The following EPSTI1 variants were observed in gnomAD, a reference collection of about 807,000 sequenced individuals.
The protein encoded by EPSTI1 is epithelial-stromal interaction protein 1.
In EPSTI1, 66 loss-of-function variants were observed where a neutral mutation model predicts 49.9. The ratio of observed to expected loss-of-function variants is 1.32; its 90% confidence interval spans 1.08 to 1.62. EPSTI1 has a LOEUF of 1.62. Among genes scored for constraint, EPSTI1 ranks in the 40% most tolerant of loss-of-function variants. The probability of loss-of-function intolerance (pLI) is 0.00; values close to 1 mark genes in which losing one functional copy is unlikely to be tolerated. For missense variants in EPSTI1, 394 were observed against 365.5 expected, an observed-to-expected ratio of 1.08 and a Z score of -0.64; for synonymous variants, 137 against 130.7, an observed-to-expected ratio of 1.05 and a Z score of -0.33.
intron 5 of EPSTI1, among the ~76,000 whole-genome samples, chr13:42,954,801 G>A (rs2039209034): frequency 6.6e-6 from 1 of 152,178 alleles, no homozygotes; most frequent in Admixed American, 6.5e-5. Flanking sequence ...CTACTATCCA[G>A]GAGGATCATG....
At chr13:42,969,480 C>A in intron 2 of EPSTI1, 1 of 321,242 alleles carries the variant, frequency 3.1e-6, no homozygotes, top group Non-Finnish European at 5.7e-6. Flanking sequence ...AACTCTATAT[C>A]AAGTTAATTT....
In EPSTI1 at chr13:42,922,121, T is replaced by C. The variant is rs1221016002; in HGVS notation, c.657+4215A>G. Among the ~76,000 whole-genome samples the C allele has an allele frequency of 1.3e-5, 2 of 152,142 alleles. No individual in the cohort carries two copies. The highest frequency in any genetic ancestry group is 2.4e-5 in the African/African-American group (1 of 41,426). On this transcript the variant is annotated intron_variant, in intron 7 of 10. Transcript: ENST00000313624. This position sits in a 1 kb window ranked among gnomAD's most constrained non-coding sequence, Gnocchi z 4.8. ...GGGAAAGCTCAAATTACTGAATAAT[T>C]ATAAGAATGAGAGGAAGAAATGAGT...
rs867330809 is a variant in EPSTI1 at position 42,922,234 on chromosome 13, G to T, written c.657+4102C>A. On this transcript the variant is annotated intron_variant, in intron 7 of 10. Transcript: ENST00000313624. This position sits in a 1 kb window ranked among gnomAD's most constrained non-coding sequence, Gnocchi z 4.8. ...AACTAAGAAAAGAAACAGGTGGTGGGTTGCATAATGGCCCCCCAAAGACGT... is the reference window on the plus strand; with the variant it reads ...AACTAAGAAAAGAAACAGGTGGTGGTTTGCATAATGGCCCCCCAAAGACGT... Among the ~76,000 whole-genome samples the T allele has an allele frequency of 6.6e-6, 1 of 152,232 alleles. No homozygotes were observed. Among genetic ancestry groups the T allele is most frequent in the Non-Finnish European group, 1.5e-5 (1 of 68,040 alleles).
At chr13:42,917,396 C>G in intron 8 of EPSTI1, 145 bp downstream of exon 8, 1 of 786,224 alleles carries the variant, frequency 1.3e-6, no homozygotes, top group Middle Eastern at 4.0e-4. Flanking sequence ...TAAAACACAT[C>G]CAGAAACTCA....
intron 6 of EPSTI1, among the ~76,000 whole-genome samples, chr13:42,943,947 T>C (rs2038842210): frequency 6.6e-6 from 1 of 152,098 alleles, no homozygotes; most frequent in Non-Finnish European, 1.5e-5. Flanking sequence ...ATTAGAGAAA[T>C]GCAAATCAAA....
chr13:42,907,886 G>C (rs2037542693), intron 8 of EPSTI1, among the ~76,000 whole-genome samples: 1 of 152,120 alleles, frequency 6.6e-6, no homozygotes, highest in African/African-American at 2.4e-5. Flanking sequence ...AACCAAAACA[G>C]CGTGGTACTG....
intron 8 of EPSTI1, among the ~76,000 whole-genome samples, chr13:42,908,484 G>GAAAAAAAAAAAAAAAA (rs140923122): frequency 8.8e-6 from 1 of 113,352 alleles, no homozygotes; most frequent in African/African-American, 3.6e-5. Flanking sequence ...ACTCTGTTAT[G>GAAAAAAAAAAAAAAAA]AAAAAAAAAA....
chr13:42,890,883 T>C (rs971975893), intron 10 of EPSTI1, among the ~76,000 whole-genome samples: 1 of 152,170 alleles, frequency 6.6e-6, no homozygotes, highest in Non-Finnish European at 1.5e-5. Context: ...TATTATACAG[T>C]TTTGATCCCT....
rs116070275 is a variant in EPSTI1 at position 42,936,266 on chromosome 13, C to T, written c.564-9837G>A. Among the ~76,000 whole-genome samples the T allele has an allele frequency of 2.7e-3, 416 of 152,200 alleles. 1 individual carries two copies. Among genetic ancestry groups the T allele is most frequent in the African/African-American group, 9.6e-3 (397 of 41,540 alleles). On this transcript the variant is annotated intron_variant, in intron 6 of 10. Coordinates refer to ENST00000313624, the MANE Select transcript of EPSTI1 (RefSeq NM_033255.5). ...ATCAATTTAAGAAAACTTTTGATTC[C>T]GCAGCCTCATCCAGTTACTGCCTCA...
At chr13:42,963,137 T>C (rs986155242) in intron 5 of EPSTI1, 118 bp downstream of exon 5, 5 of 801,032 alleles carry the variant, frequency 6.2e-6, no homozygotes, top group Non-Finnish European at 1.0e-5. Flanking sequence ...GAGTGGGGAA[T>C]AGAAAGAGAG....
At chr13:42,932,772 T>C (rs1307724185) in intron 6 of EPSTI1, among the ~76,000 whole-genome samples, 1 of 152,218 alleles carries the variant, frequency 6.6e-6, no homozygotes, top group Non-Finnish European at 1.5e-5. Flanking sequence ...AACTTAACAG[T>C]GGAGACCACC....
Position 42,976,891 on chromosome 13 carries a change from C to A in EPSTI1, c.189-6221G>T, listed in dbSNP as rs532290935. On this transcript the variant is annotated intron_variant, in intron 1 of 10. Transcript: ENST00000313624. The stretch of plus-strand genomic sequence containing the variant: ...CTCTATACATATTATTACACAGTTG[C>A]AAACATATTTTAAGTACAGCTGTAC... Among the ~76,000 whole-genome samples, 71 of 152,304 alleles carry A rather than the reference C, an allele frequency of 4.7e-4. No homozygotes were observed. The South Asian group carries it at 0.014, about 29-fold the overall frequency.
intron 5 of EPSTI1, among the ~76,000 whole-genome samples, chr13:42,956,218 A>T (rs1009470153): frequency 6.6e-6 from 1 of 152,228 alleles, no homozygotes; most frequent in Non-Finnish European, 1.5e-5. Flanking sequence ...CCTGAGCACG[A>T]GAGCCAAGAA....
rs181060532 is a variant in EPSTI1 at position 42,970,271 on chromosome 13, C to T, written c.247+341G>A. ...TTATATTTACTGTACATCAATTAAA[C>T]ATGTTATGTACGCATTAAGTACAGA... On this transcript the variant is annotated intron_variant, in intron 2 of 10. Transcript: ENST00000313624. 1.3e-3 allele frequency: 223 copies of T among 177,924 alleles called. 1 individual carries two copies. The highest frequency in any genetic ancestry group is 5.0e-3 in the African/African-American group (213 of 42,600). 11.0% of individuals were successfully genotyped at this position (177,924 alleles called of 1,614,324 possible).
At chr13:42,988,073 C>T (rs543130861) in intron 1 of EPSTI1, among the ~76,000 whole-genome samples, 17 of 152,222 alleles carry the variant, frequency 1.1e-4, no homozygotes, top group East Asian at 7.7e-4. Context: ...TTTCTTCAAA[C>T]AGCATCAAGC....
intron 10 of EPSTI1, 145 bp downstream of exon 10, chr13:42,894,864 C>A: frequency 1.6e-6 from 1 of 637,258 alleles, no homozygotes; most frequent in Non-Finnish European, 2.7e-6. Context: ...CAGTAATCCC[C>A]CTGGCTGACT....
chr13:42,975,525 C>A (rs756480597), intron 1 of EPSTI1, among the ~76,000 whole-genome samples: 1 of 152,130 alleles, frequency 6.6e-6, no homozygotes, highest in Non-Finnish European at 1.5e-5. Context: ...AGGAAATCAT[C>A]GGGGCCTTTG....
chr13:42,899,163 A>T (rs1344479130), intron 9 of EPSTI1, among the ~76,000 whole-genome samples: 1 of 150,812 alleles, frequency 6.6e-6, no homozygotes, highest in Non-Finnish European at 1.5e-5. Flanking sequence ...CTGCCACCGC[A>T]CTCCCACCTG....
chr13:42,901,680 G>A (rs67146445), intron 8 of EPSTI1, among the ~76,000 whole-genome samples: 5,626 of 151,974 alleles, frequency 0.037, 131 homozygotes, highest in East Asian at 0.099. Flanking sequence ...CCTCTCCCTC[G>A]TCTCCACAAT....
Sources: allele counts gnomAD v4.1 joint callset (sites outside exome capture counted in the v4.1 genomes callset), GRCh38; gene constraint gnomAD v4.1.1; non-coding constraint Gnocchi (gnomAD v3.1); transcripts MANE v1.5; gene names NCBI Gene and HGNC (gene_info 2026-07-23, HGNC 2026-07-21).